TCEA1: variants seen among roughly 807,000 people sequenced by gnomAD.
TCEA1 encodes transcription elongation factor A1.
In TCEA1, 21 loss-of-function variants were observed where a neutral mutation model predicts 43.8. That is an observed-to-expected ratio of 0.48 (90% confidence interval 0.34 to 0.69). TCEA1 has a LOEUF of 0.69. Ranked by LOEUF, TCEA1 falls within the 30% of genes least tolerant of loss-of-function variation. The pLI, the probability that TCEA1 is intolerant of heterozygous loss-of-function variation, is 0.01. For synonymous variants in TCEA1, 104 were observed against 117.5 expected (o/e 0.88, Z 0.75); for missense variants, 250 against 365.1 (o/e 0.68, Z 2.57).
At chr8:54,020,096 C>T (rs374590194) in intron 1 of TCEA1, among the ~76,000 whole-genome samples, 1 of 152,086 alleles carries the variant, frequency 6.6e-6, no homozygotes, top group African/African-American at 2.4e-5. Context: ...TACTTAGAAA[C>T]ATTATTACAA....
At chr8:54,006,065 A>T (rs1176985989) in intron 2 of TCEA1, among the ~76,000 whole-genome samples, 1 of 152,280 alleles carries the variant, frequency 6.6e-6, no homozygotes, top group East Asian at 1.9e-4. Context: ...ATCTTCTGAG[A>T]TGTAGTTTCA....
At chr8:54,005,017 C>T (rs988595611) in intron 2 of TCEA1, among the ~76,000 whole-genome samples, 11 of 136 alleles carry the variant, frequency 0.081, no homozygotes, top group African/African-American at 0.28. Flanking sequence ...CACCTTCAAC[C>T]CAATACCCAC....
chr8:53,967,741 A>G lies in TCEA1; in HGVS notation c.*363T>C. 4.2e-6 allele frequency: 1 copy of G among 240,326 alleles called. No individual in the cohort carries two copies. The highest frequency in any genetic ancestry group is 8.1e-6 in the Non-Finnish European group (1 of 123,760). The allele number at this position is 240,326 out of a possible 1,614,324, so 14.9% of individuals were successfully genotyped here. ...GAAAAAAATGTATTTTCATTTATGT[A>G]TTAATAACAGAGAGTAACAGAATTT... is the stretch of plus-strand genomic sequence containing the variant. On this transcript the variant is annotated 3_prime_UTR_variant, in exon 10 of 10. Transcript: ENST00000521604.
At chr8:53,993,572 A>G (rs982892290) in intron 4 of TCEA1, 96 bp downstream of exon 4, 11 of 933,184 alleles carry the variant, frequency 1.2e-5, no homozygotes, top group Non-Finnish European at 1.5e-5. Context: ...GAAAACAAAA[A>G]AAGGAGTGTA....
rs930803997 is a variant in TCEA1 at position 53,997,965 on chromosome 8, A to G, written c.232+1980T>C. On this transcript the variant is annotated intron_variant, in intron 3 of 9. Coordinates refer to ENST00000521604, the MANE Select transcript of TCEA1 (RefSeq NM_006756.4). ...AAATGTGGGAAATTCTGCCTTGAATATATTTCCTAGTTTACTTTTAAACCA... is the reference window on the plus strand; with the variant it reads ...AAATGTGGGAAATTCTGCCTTGAATGTATTTCCTAGTTTACTTTTAAACCA... 2.0e-5 allele frequency among the ~76,000 whole-genome samples: 3 copies of G among 152,318 alleles called. No individual in the cohort carries two copies. The South Asian group carries it at 6.2e-4, about 32-fold the overall frequency.
intron 2 of TCEA1, among the ~76,000 whole-genome samples, chr8:54,001,006 A>T (rs1563500110): frequency 6.6e-6 from 1 of 151,952 alleles, no homozygotes; most frequent in Non-Finnish European, 1.5e-5. Context: ...TGATCCACAC[A>T]CCTCAGCCTC....
intron 8 of TCEA1, among the ~76,000 whole-genome samples, chr8:53,977,180 C>T (rs1441832355): frequency 2.0e-5 from 3 of 152,158 alleles, no homozygotes; most frequent in South Asian, 2.1e-4. Context: ...ATTAGCCAGG[C>T]GTTGTGGTGG....
intron 9 of TCEA1, among the ~76,000 whole-genome samples, chr8:53,969,804 A>G (rs1803103496): frequency 6.6e-6 from 1 of 152,168 alleles, no homozygotes; most frequent in Non-Finnish European, 1.5e-5. Context: ...ACTGATATGT[A>G]TTTCTGCTCC....
chr8:53,998,477 G>A (rs1380102271), intron 3 of TCEA1, among the ~76,000 whole-genome samples: 1 of 152,124 alleles, frequency 6.6e-6, no homozygotes, highest in Non-Finnish European at 1.5e-5. Context: ...TGAGGCAGGG[G>A]ACCAGGAATG....
chr8:53,995,624 T>C (rs1036979914), intron 3 of TCEA1, among the ~76,000 whole-genome samples: 1 of 152,216 alleles, frequency 6.6e-6, no homozygotes, highest in African/African-American at 2.4e-5. Flanking sequence ...GTATAGAATA[T>C]AGAAGAAACT....
chr8:54,012,104 A>G (rs1316804787), intron 1 of TCEA1, among the ~76,000 whole-genome samples: 1 of 152,222 alleles, frequency 6.6e-6, no homozygotes, highest in African/African-American at 2.4e-5. Context: ...GAGTAAATGA[A>G]GTCTTCGATC....
intron 8 of TCEA1, among the ~76,000 whole-genome samples, chr8:53,977,805 G>GT (rs1239743788): frequency 6.6e-6 from 1 of 152,142 alleles, no homozygotes; most frequent in Non-Finnish European, 1.5e-5. Context: ...GTACATAAAT[G>GT]TAAGTTATCA....
chr8:54,012,984 A>AAG (rs1804703148), intron 1 of TCEA1, among the ~76,000 whole-genome samples: 2 of 145,418 alleles, frequency 1.4e-5, no homozygotes, highest in African/African-American at 5.1e-5. Flanking sequence ...AAAAAAAAAA[A>AAG]GATTGTGGGC....
At chr8:53,985,429 G>C (rs946745962) in intron 6 of TCEA1, among the ~76,000 whole-genome samples, 1 of 152,172 alleles carries the variant, frequency 6.6e-6, no homozygotes. Context: ...AAAGGAGCTT[G>C]AACTTATTCA....
intron 6 of TCEA1, among the ~76,000 whole-genome samples, chr8:53,985,802 G>C (rs145494901): frequency 6.6e-6 from 1 of 152,204 alleles, no homozygotes; most frequent in African/African-American, 2.4e-5. Context: ...AGGTGACTGT[G>C]TGTGCTCTGA....
chr8:53,987,144 C>A, intron 5 of TCEA1, 119 bp from the exon 6 acceptor site: 2 of 847,664 alleles, frequency 2.4e-6, no homozygotes, highest in Non-Finnish European at 3.8e-6. Context: ...ATAAAGAAAC[C>A]GTTCAGTTTA....
chr8:53,988,393 G>A, intron 4 of TCEA1, 134 bp from the exon 5 acceptor site: 4 of 1,078,578 alleles, frequency 3.7e-6, no homozygotes, highest in Admixed American at 3.3e-5. Context: ...TTTATGTGAT[G>A]GAAAAAAAAT....
At chr8:53,998,147 T>C (rs1436161821) in intron 3 of TCEA1, among the ~76,000 whole-genome samples, 1 of 152,202 alleles carries the variant, frequency 6.6e-6, no homozygotes, top group East Asian at 1.9e-4. Flanking sequence ...TACATGAATG[T>C]ATATGTAAGA....
At chr8:53,998,320 G>C (rs1804134246) in intron 3 of TCEA1, among the ~76,000 whole-genome samples, 1 of 152,082 alleles carries the variant, frequency 6.6e-6, no homozygotes, top group Non-Finnish European at 1.5e-5. Context: ...CTGGATAAAG[G>C]GTACATGAGA....
Sources: gnomAD v4.1 joint callset for allele counts (sites outside exome capture counted in the v4.1 genomes callset) on GRCh38, gnomAD v4.1.1 for gene constraint, MANE v1.5 for transcripts, NCBI Gene and HGNC (gene_info 2026-07-23, HGNC 2026-07-21) for gene names.